CTNNA2: variants seen among roughly 807,000 people sequenced by gnomAD.
CTNNA2 encodes catenin alpha 2, also known as catenin alpha-2.
A neutral mutation model predicts 101.0 loss-of-function variants in CTNNA2; 42 were observed. The observed-to-expected ratio is 0.42, with a 90% CI of 0.32 to 0.54. The LOEUF (loss-of-function observed/expected upper bound fraction) is 0.54, where lower values mean the gene tolerates loss of function less well. Among genes scored for constraint, CTNNA2 ranks in the 20% least tolerant of loss-of-function variants. The pLI is 0.14. For missense variants in CTNNA2, 871 were observed against 1,223.1 expected (o/e 0.71, Z 4.29); for synonymous variants, 450 against 456.4 (o/e 0.99, Z 0.18).
intron 1 of CTNNA2, among the ~76,000 whole-genome samples, chr2:79,522,246 A>C (rs2103880115): frequency 6.6e-6 from 1 of 152,264 alleles, no homozygotes; most frequent in East Asian, 1.9e-4. Context: ...TGTTGATTCA[A>C]CTAAGTCTCT....
chr2:79,748,346 GT>G (rs1671781802), intron 3 of CTNNA2, among the ~76,000 whole-genome samples: 1 of 152,126 alleles, frequency 6.6e-6, no homozygotes, highest in Non-Finnish European at 1.5e-5. Context: ...ATAGAAATCT[GT>G]TTTCCAATAT....
chr2:79,862,578 C>T (rs1175309138), intron 4 of CTNNA2, among the ~76,000 whole-genome samples: 2 of 152,178 alleles, frequency 1.3e-5, no homozygotes, highest in Non-Finnish European at 2.9e-5. Context: ...ATAGCTATCA[C>T]AGTATTACCT....
intron 7 of CTNNA2, among the ~76,000 whole-genome samples, chr2:80,322,943 A>T (rs533955047): frequency 1.3e-5 from 2 of 152,316 alleles, no homozygotes; most frequent in African/African-American, 4.8e-5. Flanking sequence ...TCCAGGCATC[A>T]CTGAAGGGTA....
intron 7 of CTNNA2, among the ~76,000 whole-genome samples, chr2:80,163,405 G>A (rs973831123): frequency 1.3e-5 from 2 of 152,006 alleles, no homozygotes; most frequent in African/African-American, 4.8e-5. Flanking sequence ...CAGGTGTTTG[G>A]AGATTTTCTT....
At chr2:79,472,032 T>C (rs968565803) in intron 4 of CTNNA2, among the ~76,000 whole-genome samples, 10 of 152,108 alleles carry the variant, frequency 6.6e-5, no homozygotes, top group Admixed American at 1.3e-4. Flanking sequence ...CATCTAAATA[T>C]CATCCAAATC....
intron 7 of CTNNA2, among the ~76,000 whole-genome samples, chr2:80,145,744 A>G (rs1703291791): frequency 6.6e-6 from 1 of 152,214 alleles, no homozygotes; most frequent in Non-Finnish European, 1.5e-5. Context: ...GGTTCCCACA[A>G]AGGTTTATAG....
intron 1 of CTNNA2, among the ~76,000 whole-genome samples, chr2:79,611,806 TG>T (rs1276071657): frequency 6.6e-6 from 1 of 152,156 alleles, no homozygotes; most frequent in African/African-American, 2.4e-5. Flanking sequence ...TTTACTTTTT[TG>T]CTTGAATTAT....
rs1672060918 is a variant in CTNNA2, at chr2:79,520,759, T to C, written c.-6+7552T>C. On this transcript the variant is annotated intron_variant, in intron 1 of 18. Coordinates refer to ENST00000402739, the MANE Select transcript of CTNNA2 (RefSeq NM_001282597.3). Reference sequence around the variant, plus strand: ...TCTATAATTCACCGAAATAATTAAATTTAAAACCACAGTGTGATACCACTA... The same window carrying C: ...TCTATAATTCACCGAAATAATTAAACTTAAAACCACAGTGTGATACCACTA... 2.0e-5 allele frequency among the ~76,000 whole-genome samples: 3 copies of C among 152,198 alleles called. No homozygotes were observed. The South Asian group carries it at 6.2e-4, about 32-fold the overall frequency.
intron 1 of CTNNA2, among the ~76,000 whole-genome samples, chr2:79,576,124 A>G (rs1047388611): frequency 6.6e-6 from 1 of 152,246 alleles, no homozygotes; most frequent in African/African-American, 2.4e-5. Flanking sequence ...TTAAAAGATG[A>G]AGTTTGTCAC....
intron 4 of CTNNA2, among the ~76,000 whole-genome samples, chr2:79,431,370 T>C (rs1026949027): frequency 2.2e-4 from 33 of 152,108 alleles, no homozygotes; most frequent in Admixed American, 1.4e-3. Context: ...ACAGCAAAGG[T>C]TGATTGTTGC....
intron 1 of CTNNA2, chr2:79,547,454 A>G (rs951332454): frequency 1.3e-5 from 2 of 152,568 alleles, no homozygotes; most frequent in Non-Finnish European, 2.9e-5. Context: ...CTGGCTGAAG[A>G]ATTTTCCACA....
At chr2:79,608,565 CTAAG>C (rs1678053049) in intron 1 of CTNNA2, among the ~76,000 whole-genome samples, 3 of 152,044 alleles carry the variant, frequency 2.0e-5, no homozygotes, top group Admixed American at 1.3e-4. Flanking sequence ...TATATCATGA[CTAAG>C]TGAGATTTAT....
At chr2:79,562,812 A>G (rs1674861345) in intron 1 of CTNNA2, among the ~76,000 whole-genome samples, 1 of 152,026 alleles carries the variant, frequency 6.6e-6, no homozygotes, top group Non-Finnish European at 1.5e-5. Flanking sequence ...ATTTGAAAGA[A>G]TACATCTAGA....
At chr2:80,260,567 T>C (rs1374603877) in intron 7 of CTNNA2, among the ~76,000 whole-genome samples, 1 of 152,116 alleles carries the variant, frequency 6.6e-6, no homozygotes, top group East Asian at 1.9e-4. Context: ...TTTCGTTGTT[T>C]TGTTTTTCAA....
chr2:79,542,027 C>T (rs1347097253), intron 1 of CTNNA2, among the ~76,000 whole-genome samples: 1 of 152,066 alleles, frequency 6.6e-6, no homozygotes, highest in Admixed American at 6.6e-5. Context: ...AGCTTTCTGG[C>T]CTTATAATTT....
intron 3 of CTNNA2, among the ~76,000 whole-genome samples, chr2:79,846,213 T>C (rs1354432406): frequency 2.0e-5 from 3 of 152,228 alleles, no homozygotes; most frequent in Admixed American, 6.5e-5. Context: ...TAGAATTTTC[T>C]ATCTTTAATC....
intron 7 of CTNNA2, among the ~76,000 whole-genome samples, chr2:80,334,716 A>T (rs1331211275): frequency 6.6e-6 from 1 of 152,212 alleles, no homozygotes; most frequent in East Asian, 1.9e-4. Flanking sequence ...CTCTCTTGAT[A>T]CACAATCAGA....
At chr2:79,308,062 G>T (rs986044484) in intron 2 of CTNNA2, among the ~76,000 whole-genome samples, 2 of 151,896 alleles carry the variant, frequency 1.3e-5, no homozygotes, top group East Asian at 3.9e-4. Context: ...TATTTATTTC[G>T]AGATTGAGTT....
At position 80,145,867 on chromosome 2, in the gene CTNNA2, G is replaced by A. The variant is rs543769784; in HGVS notation, c.1056+236070G>A. On this transcript the variant is annotated intron_variant, in intron 7 of 18. Transcript: ENST00000402739. The stretch of plus-strand genomic sequence containing the variant: ...ACTGGTAACTTGGTCATAGTTGCTG[G>A]GGTGGATTATAGATGTCTAAAGATG... Among the ~76,000 whole-genome samples, 4 of 152,268 alleles carry A rather than the reference G, an allele frequency of 2.6e-5. No homozygotes were observed. In the South Asian group the frequency reaches 6.2e-4, roughly 24 times the overall value.
Sources: gnomAD v4.1 joint callset for allele counts (sites outside exome capture counted in the v4.1 genomes callset) on GRCh38, gnomAD v4.1.1 for gene constraint, MANE v1.5 for transcripts, NCBI Gene and HGNC (gene_info 2026-07-23, HGNC 2026-07-21) for gene names.